The following TJP1 variants were observed in gnomAD, a reference collection of about 807,000 sequenced individuals.
The protein encoded by TJP1 is tight junction protein ZO-1.
In TJP1, 43 loss-of-function variants were observed where a neutral mutation model predicts 194.2. That is an observed-to-expected ratio of 0.22 (90% CI 0.17 to 0.29). The LOEUF (loss-of-function observed/expected upper bound fraction) is 0.29. Ranked by LOEUF, TJP1 falls within the 10% of genes least tolerant of loss-of-function variation. The pLI, the probability that TJP1 is intolerant of heterozygous loss-of-function variation, is 1.00. For missense variants in TJP1, 1,971 were observed against 2,185.7 expected, an observed-to-expected ratio of 0.90 and a Z score of 1.96; for synonymous variants, 801 against 779.0, an observed-to-expected ratio of 1.03 and a Z score of -0.47.
intron 2 of TJP1, among the ~76,000 whole-genome samples, chr15:29,883,942 C>T (rs988001930): frequency 3.3e-5 from 5 of 152,078 alleles, no homozygotes; most frequent in African/African-American, 1.2e-4. Context: ...TCGTACAATG[C>T]TATTAATAAA....
At chr15:29,914,070 A>G (rs1397006455) in intron 2 of TJP1, among the ~76,000 whole-genome samples, 1 of 152,174 alleles carries the variant, frequency 6.6e-6, no homozygotes, top group Non-Finnish European at 1.5e-5. Flanking sequence ...ACACAAGGGA[A>G]TGAATGTAAC....
chr15:29,838,215 A>G (rs1406002653), intron 2 of TJP1, among the ~76,000 whole-genome samples: 1 of 152,244 alleles, frequency 6.6e-6, no homozygotes, highest in African/African-American at 2.4e-5. Flanking sequence ...ACTGGAGGCC[A>G]TGAGTTCAAG....
At chr15:29,942,600 T>C (rs1008189573) in intron 2 of TJP1, among the ~76,000 whole-genome samples, 2 of 152,234 alleles carry the variant, frequency 1.3e-5, no homozygotes, top group African/African-American at 4.8e-5. Context: ...TTCCTTTTTC[T>C]GCAAAAGAGC....
At chr15:29,898,721 T>C (rs1596211463) in intron 2 of TJP1, among the ~76,000 whole-genome samples, 1 of 152,218 alleles carries the variant, frequency 6.6e-6, no homozygotes, top group East Asian at 1.9e-4. Flanking sequence ...ATTTCAGATT[T>C]TCAGATTACG....
chr15:29,876,475 C>T (rs113820858), intron 2 of TJP1, among the ~76,000 whole-genome samples: 2 of 151,454 alleles, frequency 1.3e-5, no homozygotes, highest in African/African-American at 4.9e-5. Context: ...GAGCCAAGCT[C>T]GTGCCACTGC....
At position 29,764,785 on chromosome 15, in the gene TJP1, T is replaced by C. The variant is rs545913332; in HGVS notation, c.589+1481A>G. Among the ~76,000 whole-genome samples, 14 of 152,264 alleles carry C rather than the reference T, an allele frequency of 9.2e-5. No individual in the cohort carries two copies. In the South Asian group the frequency reaches 2.7e-3, roughly 29 times the overall value. On this transcript the variant is annotated intron_variant, in intron 5 of 27. Coordinates refer to ENST00000614355, the MANE Select transcript of TJP1 (RefSeq NM_001330239.4). The stretch of plus-strand genomic sequence containing the variant: ...TGAGTTTCATTTGAGATGTGCTGTG[T>C]TTCAGGGACCTACAGGAACATCTAA...
At chr15:29,927,481 C>T (rs1182972206) in intron 2 of TJP1, among the ~76,000 whole-genome samples, 2 of 151,970 alleles carry the variant, frequency 1.3e-5, no homozygotes, top group Admixed American at 6.6e-5. Flanking sequence ...TGCAGATACA[C>T]AGAGGTTAAG....
chr15:29,740,270 C>T (rs899480551), intron 10 of TJP1, among the ~76,000 whole-genome samples: 1 of 152,110 alleles, frequency 6.6e-6, no homozygotes, highest in African/African-American at 2.4e-5. Flanking sequence ...CCACTGCGCC[C>T]GGCCCGGAAT....
At chr15:29,835,544 C>T (rs1453280433) in intron 2 of TJP1, among the ~76,000 whole-genome samples, 2 of 151,792 alleles carry the variant, frequency 1.3e-5, no homozygotes, top group Non-Finnish European at 2.9e-5. Context: ...CAGCTACTGG[C>T]GAGGCTGAGG....
At chr15:29,730,308 A>G (rs115363796) in intron 15 of TJP1, among the ~76,000 whole-genome samples, 2,084 of 152,094 alleles carry the variant, frequency 0.014, 57 homozygotes, top group East Asian at 0.096. Context: ...AAAACTGGGT[A>G]CAGTGGCTCA....
intron 2 of TJP1, among the ~76,000 whole-genome samples, chr15:29,916,621 T>C (rs565471935): frequency 2.0e-5 from 3 of 152,352 alleles, no homozygotes; most frequent in Non-Finnish European, 4.4e-5. Context: ...CAATTTCCTC[T>C]AGTCCTAGAA....
At chr15:29,778,211 G>C (rs1446754325) in intron 2 of TJP1, among the ~76,000 whole-genome samples, 1 of 151,956 alleles carries the variant, frequency 6.6e-6, no homozygotes, top group Non-Finnish European at 1.5e-5. Flanking sequence ...CAGGAGCCCT[G>C]CGACTTCTTA....
chr15:29,817,831 G>C (rs943217566), intron 1 of TJP1, among the ~76,000 whole-genome samples: 9 of 151,964 alleles, frequency 5.9e-5, no homozygotes, highest in Non-Finnish European at 1.2e-4. Context: ...CCAGGACCTG[G>C]GGCCTGTTAC....
chr15:29,796,352 C>CAA (rs199929729), intron 2 of TJP1, among the ~76,000 whole-genome samples: 34 of 129,908 alleles, frequency 2.6e-4, no homozygotes, highest in African/African-American at 9.0e-4. Flanking sequence ...AAAAAAAAAA[C>CAA]AAAAAAAAAC....
intron 23 of TJP1, among the ~76,000 whole-genome samples, 188 bp from the exon 24 acceptor site, chr15:29,711,188 T>C (rs1043903628): frequency 6.6e-6 from 1 of 152,110 alleles, no homozygotes; most frequent in African/African-American, 2.4e-5. Context: ...GCACAAGAAA[T>C]GTCCAGACAC....
At chr15:29,961,743 G>A (rs1374608890) in intron 1 of TJP1, among the ~76,000 whole-genome samples, 1 of 152,078 alleles carries the variant, frequency 6.6e-6, no homozygotes, top group Non-Finnish European at 1.5e-5. Flanking sequence ...ACCTGACACT[G>A]CTAGAACAGG....
At chr15:29,849,314 G>C (rs975223497) in intron 2 of TJP1, among the ~76,000 whole-genome samples, 1 of 151,766 alleles carries the variant, frequency 6.6e-6, no homozygotes, top group Non-Finnish European at 1.5e-5. Flanking sequence ...TGGTATGCTG[G>C]TTTTAAAACA....
intron 8 of TJP1, among the ~76,000 whole-genome samples, chr15:29,750,048 C>T (rs1263445038): frequency 6.6e-6 from 1 of 151,580 alleles, no homozygotes; most frequent in African/African-American, 2.4e-5. Context: ...GGTCTGTCAC[C>T]CAGGCTGGAA....
intron 1 of TJP1, among the ~76,000 whole-genome samples, chr15:29,966,501 AAAATAAATAAAT>A (rs199759350): frequency 6.6e-6 from 1 of 151,914 alleles, no homozygotes; most frequent in Admixed American, 6.6e-5. Flanking sequence ...AAACTGTTTC[AAAATAAATAAAT>A]AAATAAATAA....
Sources: gnomAD v4.1 joint callset for allele counts (sites outside exome capture counted in the v4.1 genomes callset) on GRCh38, gnomAD v4.1.1 for gene constraint, MANE v1.5 for transcripts, NCBI Gene and HGNC (gene_info 2026-07-23, HGNC 2026-07-21) for gene names.